The following CCNY variants were observed in gnomAD, a reference collection of about 807,000 sequenced individuals.
CCNY encodes cyclin Y, also known as cyclin-Y.
Under a neutral mutation model 42.8 loss-of-function variants are expected in CCNY, and 19 were observed. That is an observed-to-expected ratio of 0.44 (90% CI 0.31 to 0.65). The LOEUF is 0.65. CCNY is among the 30% of genes least tolerant of loss of function. CCNY has a pLI of 0.07. For missense variants in CCNY, 370 were observed against 437.3 expected, an observed-to-expected ratio of 0.85 and a Z score of 1.37; for synonymous variants, 165 against 162.7, an observed-to-expected ratio of 1.01 and a Z score of -0.11.
chr10:35,348,147 T>C (rs1836346673), intron 1 of CCNY, among the ~76,000 whole-genome samples: 1 of 152,240 alleles, frequency 6.6e-6, no homozygotes, highest in South Asian at 2.1e-4. Context: ...AAGCAGTTTA[T>C]ATAGCATTAG....
rs181965210 is a variant in CCNY at position 35,428,842 on chromosome 10, G to A, written c.155-54562G>A. Among the ~76,000 whole-genome samples the A allele has an allele frequency of 1.8e-3, 280 of 152,304 alleles. 4 individuals are homozygous for A. The Middle Eastern group carries it at 0.054, about 30-fold the overall frequency. ...TTGTGCAATGGGATGATGGTTGCAT[G>A]CACTGCAGGAACAGTGGAGGAAGAC... On this transcript the variant is annotated intron_variant, in intron 1 of 9. Coordinates refer to ENST00000374704, the MANE Select transcript of CCNY (RefSeq NM_145012.6).
rs1408676758 is a variant in CCNY, at chr10:35,312,407, A to C, written c.-9+61781A>C. 3.5e-5 allele frequency among the ~76,000 whole-genome samples: 5 copies of C among 144,438 alleles called. No individual in the cohort carries two copies. In the Admixed American group the frequency reaches 3.5e-4, roughly 10 times the overall value. The allele number at this position is 144,438 out of a possible 152,430, so 94.8% of individuals were successfully genotyped here. On this transcript the variant is annotated intron_variant, in intron 3 of 11. Coordinates refer to the CCNY transcript ENST00000374706. ...CAAAAAAAAAAAAAAAAAAAAAAAA[A>C]ATGTTAATTAGGTACTTGTAAACCC...
intron 2 of CCNY, among the ~76,000 whole-genome samples, chr10:35,484,552 A>G (rs1252493837): frequency 1.3e-5 from 2 of 152,094 alleles, no homozygotes; most frequent in East Asian, 3.9e-4. Flanking sequence ...GTAATGGCAA[A>G]ACTGAAGTAA....
chr10:35,375,014 C>A (rs1415206548), intron 1 of CCNY, among the ~76,000 whole-genome samples: 1 of 151,496 alleles, frequency 6.6e-6, no homozygotes, highest in Non-Finnish European at 1.5e-5. Context: ...GGGCCTCTAT[C>A]TTATGAAATG....
chr10:35,413,958 GA>G (rs1461748951), intron 1 of CCNY, among the ~76,000 whole-genome samples: 1 of 152,240 alleles, frequency 6.6e-6, no homozygotes, highest in Non-Finnish European at 1.5e-5. Flanking sequence ...CACTGAGGCT[GA>G]CCTGGACTTC....
chr10:35,491,875 A>G (rs1839905701), intron 2 of CCNY, among the ~76,000 whole-genome samples: 1 of 151,666 alleles, frequency 6.6e-6, no homozygotes, highest in Non-Finnish European at 1.5e-5. Flanking sequence ...CGGCCCTCCA[A>G]AGTGCTGGGA....
chr10:35,341,973 A>G lies in CCNY; in HGVS notation c.154+4766A>G, dbSNP rs1372157220. Among the ~76,000 whole-genome samples, 4 of 152,296 alleles carry G rather than the reference A, an allele frequency of 2.6e-5. No homozygotes were observed. The South Asian group carries it at 6.2e-4, about 24-fold the overall frequency. On this transcript the variant is annotated intron_variant, in intron 1 of 9. Transcript: ENST00000374704. Reference sequence around the variant, plus strand: ...TGAGACTCAAATGCTCAATTAACCAAAAAATACTAGATGAACATCTGCAAT... The same window carrying G: ...TGAGACTCAAATGCTCAATTAACCAGAAAATACTAGATGAACATCTGCAAT...
At position 35,484,116 on chromosome 10, in the gene CCNY, G is replaced by A. The variant is rs560119365; in HGVS notation, c.229+638G>A. ...GAGAAGATAAAACTTATACAATGTGGCAAACACACATCTTCATTGGATTCC... is the reference window on the plus strand; with the variant it reads ...GAGAAGATAAAACTTATACAATGTGACAAACACACATCTTCATTGGATTCC... On this transcript the variant is annotated intron_variant, in intron 2 of 9. Coordinates refer to ENST00000374704, the MANE Select transcript of CCNY (RefSeq NM_145012.6). Among the ~76,000 whole-genome samples, 5 of 152,246 alleles carry A rather than the reference G, an allele frequency of 3.3e-5. No individual in the cohort carries two copies. The South Asian group carries it at 1.0e-3, about 32-fold the overall frequency.
Position 35,428,053 on chromosome 10 carries a change from A to G in CCNY, c.155-55351A>G, listed in dbSNP as rs965049127. ...GACTCATTGTTTCCTATACATATGTATGTACATTGTCAGATTTATGCTGTC... is the reference window on the plus strand; with the variant it reads ...GACTCATTGTTTCCTATACATATGTGTGTACATTGTCAGATTTATGCTGTC... On this transcript the variant is annotated intron_variant, in intron 1 of 9. Coordinates refer to ENST00000374704, the MANE Select transcript of CCNY (RefSeq NM_145012.6). Among the ~76,000 whole-genome samples the G allele has an allele frequency of 7.2e-5, 11 of 152,370 alleles. 1 individual carries two copies. The South Asian group carries it at 1.9e-3, about 26-fold the overall frequency.
At chr10:35,499,595 G>A (rs1840070366) in intron 2 of CCNY, among the ~76,000 whole-genome samples, 1 of 152,176 alleles carries the variant, frequency 6.6e-6, no homozygotes, top group Admixed American at 6.5e-5. Flanking sequence ...TACCCATATA[G>A]GAAGTGCTGG....
intron 1 of CCNY, among the ~76,000 whole-genome samples, chr10:35,461,711 T>G (rs1387720006): frequency 6.6e-6 from 1 of 152,176 alleles, no homozygotes; most frequent in Non-Finnish European, 1.5e-5. Context: ...CCAAGGTCTC[T>G]TTTGCTGCCC....
chr10:35,333,218 C>A (rs1835966441), upstream of CCNY, among the ~76,000 whole-genome samples: 1 of 150,670 alleles, frequency 6.6e-6, no homozygotes, highest in Non-Finnish European at 1.5e-5. Flanking sequence ...CTTCTCCACT[C>A]CCCTTGTCCA....
intron 1 of CCNY, among the ~76,000 whole-genome samples, chr10:35,381,215 A>T (rs1373429567): frequency 6.6e-6 from 1 of 152,234 alleles, no homozygotes; most frequent in Non-Finnish European, 1.5e-5. Context: ...TTGAGTTTTA[A>T]TAATAGATAC....
At chr10:35,474,008 C>T (rs1158679262) in intron 1 of CCNY, among the ~76,000 whole-genome samples, 2 of 152,210 alleles carry the variant, frequency 1.3e-5, no homozygotes, top group Admixed American at 6.5e-5. Flanking sequence ...CAGGGAGTTC[C>T]CTTTCCTAAT....
intron 1 of CCNY, among the ~76,000 whole-genome samples, chr10:35,436,744 T>C (rs951708742): frequency 2.0e-5 from 3 of 152,228 alleles, no homozygotes; most frequent in Admixed American, 6.5e-5. Context: ...GAAAATGAAA[T>C]CTTCAAAAAT....
At position 35,572,051 on chromosome 10, in the gene CCNY, C is replaced by A. The variant is rs1311960697; in HGVS notation, c.*2881C>A. The A allele has an allele frequency of 6.6e-6, 1 of 151,640 alleles. No homozygotes were observed. The highest frequency in any genetic ancestry group is 1.5e-5 in the Non-Finnish European group (1 of 67,948). 9.4% of individuals were successfully genotyped at this position (151,640 alleles called of 1,614,324 possible). A position where few individuals can be genotyped will look rare whatever the true frequency, so the allele number is the denominator to read the frequency against. On this transcript the variant is annotated 3_prime_UTR_variant, in exon 10 of 10. Transcript: ENST00000374704. The stretch of plus-strand genomic sequence containing the variant: ...GGCAGATGAGAAATCCTGCCAAGAT[C>A]GGGATGTGCCTTCATGCATGAGGTG...
intron 2 of CCNY, chr10:35,250,493 T>C (rs537243421): frequency 6.6e-6 from 1 of 152,406 alleles, no homozygotes; most frequent in East Asian, 1.9e-4. Flanking sequence ...ATGTTTACTA[T>C]AAATACATAT....
chr10:35,347,380 T>G, intron 1 of CCNY: 1 of 925,180 alleles, frequency 1.1e-6, no homozygotes, highest in African/African-American at 1.8e-5. Context: ...GGTGGTGAAA[T>G]GCAAGTCACT....
chr10:35,356,806 C>CCT lies in CCNY; in HGVS notation c.154+19611_154+19612dup, dbSNP rs200003520. Among the ~76,000 whole-genome samples the CCT allele has an allele frequency of 9.9e-4, 150 of 151,946 alleles. 1 individual carries two copies. Among genetic ancestry groups the CCT allele is most frequent in the African/African-American group, 3.4e-3 (139 of 41,430 alleles). On this transcript the variant is annotated intron_variant, in intron 1 of 9. Transcript: ENST00000374704. The stretch of plus-strand genomic sequence containing the variant: ...TCTTAAAACTATTCTTTCTTATAAT[C>CCT]CTCTCTCTCTCTCCTTAACAGATGA...
Sources: allele counts gnomAD v4.1 joint callset (sites outside exome capture counted in the v4.1 genomes callset), GRCh38; gene constraint gnomAD v4.1.1; transcripts MANE v1.5; gene names NCBI Gene and HGNC (gene_info 2026-07-23, HGNC 2026-07-21).